Variants in RBM46 observed in about 807,000 individuals in gnomAD.
The protein encoded by RBM46 is probable RNA-binding protein 46.
In RBM46, 12 loss-of-function variants were observed where a neutral mutation model predicts 43.3. That is an observed-to-expected ratio of 0.28 (90% CI 0.18 to 0.45). RBM46 has a LOEUF of 0.45. Ranked by LOEUF, RBM46 falls within the 20% of genes least tolerant of loss-of-function variation. RBM46 has a pLI of 1.00. For synonymous variants in RBM46, 205 were observed against 207.6 expected (o/e 0.99, Z 0.11); for missense variants, 412 against 639.1 (o/e 0.64, Z 3.83).
At chr4:154,822,359 T>C (rs894232722) in intron 4 of RBM46, among the ~76,000 whole-genome samples, 11 of 151,344 alleles carry the variant, frequency 7.3e-5, no homozygotes, top group Non-Finnish European at 1.3e-4. Flanking sequence ...TTTAGATAAT[T>C]TAAAATTTCA....
chr4:154,799,600 G>A, intron 4 of RBM46, 36 bp downstream of exon 4: 2 of 1,313,350 alleles, frequency 1.5e-6, no homozygotes, highest in Non-Finnish European at 2.0e-6. Flanking sequence ...TGTATAATAT[G>A]AAATTAGGAA....
At chr4:154,820,743 A>G (rs1386202973) in intron 4 of RBM46, among the ~76,000 whole-genome samples, 4 of 151,862 alleles carry the variant, frequency 2.6e-5, no homozygotes, top group Non-Finnish European at 4.4e-5. Context: ...AAAGTATCTG[A>G]GAATACGACT....
At chr4:154,827,392 G>C in intron 4 of RBM46, 1 of 986,952 alleles carries the variant, frequency 1.0e-6, no homozygotes, top group Non-Finnish European at 1.2e-6. Flanking sequence ...ATATTGGCCA[G>C]CTAGTTTATA....
intron 4 of RBM46, among the ~76,000 whole-genome samples, chr4:154,807,040 TAGC>T (rs1325185936): frequency 6.6e-6 from 1 of 151,890 alleles, no homozygotes; most frequent in African/African-American, 2.4e-5. Context: ...CTAGTTTTAA[TAGC>T]AGCTACTGCT....
At chr4:154,817,331 CT>C (rs58860836) in intron 4 of RBM46, among the ~76,000 whole-genome samples, 1,961 of 126,358 alleles carry the variant, frequency 0.016, 32 homozygotes, top group African/African-American at 0.051. Flanking sequence ...TTTTCTCTTT[CT>C]TTTTTTTTTT....
intron 4 of RBM46, among the ~76,000 whole-genome samples, chr4:154,820,176 C>A (rs1735659399): frequency 6.6e-6 from 1 of 151,986 alleles, no homozygotes. Context: ...AAATACTCTT[C>A]TCTTTGTTCA....
At chr4:154,812,999 G>A (rs897382899) in intron 4 of RBM46, among the ~76,000 whole-genome samples, 1 of 151,994 alleles carries the variant, frequency 6.6e-6, no homozygotes, top group African/African-American at 2.4e-5. Flanking sequence ...TCTTCCATCA[G>A]TGTATATAAA....
intron 4 of RBM46, among the ~76,000 whole-genome samples, chr4:154,808,003 T>A (rs1032433601): frequency 6.6e-6 from 1 of 151,982 alleles, no homozygotes; most frequent in Non-Finnish European, 1.5e-5. Context: ...ATTGCTTTGA[T>A]TCAGTAAATA....
At chr4:154,799,755 CTTTTT>C (rs35629123) in intron 4 of RBM46, among the ~76,000 whole-genome samples, 191 bp downstream of exon 4, 8 of 114,650 alleles carry the variant, frequency 7.0e-5, no homozygotes, top group Non-Finnish European at 7.0e-5. Flanking sequence ...TTTAGCTTTT[CTTTTT>C]TTTTTTTTTT....
intron 4 of RBM46, among the ~76,000 whole-genome samples, chr4:154,814,460 T>A (rs1211332874): frequency 1.3e-5 from 2 of 152,080 alleles, no homozygotes; most frequent in African/African-American, 4.8e-5. Context: ...GAGACTCTGC[T>A]GCTAAGTTTT....
intron 4 of RBM46, among the ~76,000 whole-genome samples, chr4:154,817,891 A>C (rs1204780079): frequency 1.3e-5 from 2 of 151,736 alleles, no homozygotes; most frequent in Admixed American, 1.3e-4. Context: ...TTAGTTATTC[A>C]GTCTTTAATC....
intron 4 of RBM46, among the ~76,000 whole-genome samples, chr4:154,813,541 A>T (rs932996262): frequency 6.6e-6 from 1 of 152,110 alleles, no homozygotes; most frequent in African/African-American, 2.4e-5. Flanking sequence ...ATAATGATTT[A>T]TGTGCAATTT....
Position 154,799,755 on chromosome 4 carries a change from C to CTT in RBM46, c.1402+210_1402+211dup, listed in dbSNP as rs35629123. ...TAAAATCTTCCTACATTTAGCTTTTCTTTTTTTTTTTTTTTTTTTTGAGAG... is the reference window on the plus strand; with the variant it reads ...TAAAATCTTCCTACATTTAGCTTTTCTTTTTTTTTTTTTTTTTTTTTTGAGAG... On this transcript the variant is annotated intron_variant, in intron 4 of 4. Coordinates refer to ENST00000281722, the MANE Select transcript of RBM46 (RefSeq NM_144979.5). Among the ~76,000 whole-genome samples the CTT allele has an allele frequency of 6.0e-4, 69 of 114,626 alleles. 1 individual carries two copies. The highest frequency in any genetic ancestry group is 9.4e-4 in the Non-Finnish European group (54 of 57,246). The allele number at this position is 114,626 out of a possible 152,430, so 75.2% of individuals were successfully genotyped here. A position where few individuals can be genotyped will look rare whatever the true frequency, so the allele number is the denominator to read the frequency against.
At chr4:154,810,186 G>A (rs1254069496) in intron 4 of RBM46, among the ~76,000 whole-genome samples, 2 of 152,078 alleles carry the variant, frequency 1.3e-5, no homozygotes, top group African/African-American at 4.8e-5. Context: ...ATGAAAGCCA[G>A]CCAAGGGTGA....
chr4:154,790,856 A>C (rs1734052160), intron 1 of RBM46, among the ~76,000 whole-genome samples: 2 of 152,226 alleles, frequency 1.3e-5, no homozygotes, highest in African/African-American at 4.8e-5. Flanking sequence ...GAATCTAATA[A>C]GATGAGATTA....
In RBM46 at chr4:154,782,355, AAT is replaced by A. The variant is rs1351936711; in HGVS notation, c.-12+922_-12+923del. On this transcript the variant is annotated intron_variant, in intron 1 of 4. Coordinates refer to ENST00000281722, the MANE Select transcript of RBM46 (RefSeq NM_144979.5). Reference sequence around the variant, plus strand: ...TCTCCTATGTAAATTTAGCTTAGGTAATATTTAAGTTCTTTAAGCTTTAACTG... The same window carrying A: ...TCTCCTATGTAAATTTAGCTTAGGTAATTTAAGTTCTTTAAGCTTTAACTG... Among the ~76,000 whole-genome samples, 55 of 152,226 alleles carry A rather than the reference AAT, an allele frequency of 3.6e-4. 1 individual carries two copies. Among genetic ancestry groups the A allele is most frequent in the African/African-American group, 1.3e-3 (55 of 41,468 alleles).
At chr4:154,801,650 A>C (rs1219511956) in intron 4 of RBM46, among the ~76,000 whole-genome samples, 3 of 152,166 alleles carry the variant, frequency 2.0e-5, no homozygotes, top group Non-Finnish European at 2.9e-5. Flanking sequence ...ATCCTCCCTC[A>C]TTCCCTTACA....
At chr4:154,792,501 T>C in intron 1 of RBM46, among the ~76,000 whole-genome samples, 1 of 152,190 alleles carries the variant, frequency 6.6e-6, no homozygotes. Flanking sequence ...AGTTATCATA[T>C]GCCAAGGGGT....
At position 154,811,486 on chromosome 4, in the gene RBM46, A is replaced by G. The variant is rs916075785; in HGVS notation, c.1402+11922A>G. 2.0e-5 allele frequency among the ~76,000 whole-genome samples: 3 copies of G among 152,202 alleles called. No homozygotes were observed. In the South Asian group the frequency reaches 6.2e-4, roughly 32 times the overall value. Reference sequence around the variant, plus strand: ...CTTTTATATATACTAAGTACCATGTAAATAGTGAAGAATAATTATTCAGAA... The same window carrying G: ...CTTTTATATATACTAAGTACCATGTGAATAGTGAAGAATAATTATTCAGAA... On this transcript the variant is annotated intron_variant, in intron 4 of 4. Coordinates refer to ENST00000281722, the MANE Select transcript of RBM46 (RefSeq NM_144979.5).
Sources: allele counts gnomAD v4.1 joint callset (sites outside exome capture counted in the v4.1 genomes callset), GRCh38; gene constraint gnomAD v4.1.1; transcripts MANE v1.5; gene names NCBI Gene and HGNC (gene_info 2026-07-23, HGNC 2026-07-21).